LACTB2: variants seen among roughly 807,000 people sequenced by gnomAD.
The protein encoded by LACTB2 is endoribonuclease LACTB2.
Under a neutral mutation model 34.8 loss-of-function variants are expected in LACTB2, and 32 were observed. The ratio of observed to expected loss-of-function variants is 0.92; its 90% CI spans 0.69 to 1.24. The LOEUF is 1.24. Among genes scored for constraint, LACTB2 ranks in the 50% most tolerant of loss-of-function variants. The pLI is 0.00. For synonymous variants in LACTB2, 120 were observed against 117.5 expected (o/e 1.02, Z -0.14); for missense variants, 320 against 345.0 (o/e 0.93, Z 0.57).
At chr8:70,638,123 T>C (rs557207697) in intron 6 of LACTB2, among the ~76,000 whole-genome samples, 27 of 152,338 alleles carry the variant, frequency 1.8e-4, no homozygotes, top group African/African-American at 6.5e-4. Flanking sequence ...TCTATAAAGA[T>C]TATTAGTTTG....
At chr8:70,665,114 T>C (rs1227094544) in intron 1 of LACTB2, among the ~76,000 whole-genome samples, 2 of 152,262 alleles carry the variant, frequency 1.3e-5, no homozygotes, top group East Asian at 3.8e-4. Context: ...GTGATGTCTG[T>C]AAATAGTTAT....
At chr8:70,638,659 C>CAT in intron 5 of LACTB2, 30 bp from the exon 6 acceptor site, 1 of 1,249,866 alleles carries the variant, frequency 8.0e-7, no homozygotes, top group Non-Finnish European at 1.0e-6. Context: ...GAAAAAAATT[C>CAT]CTTTTTTTTT....
intron 1 of LACTB2, 61 bp downstream of exon 1, chr8:70,668,934 ATCAG>A (rs1266033394): frequency 6.5e-7 from 1 of 1,544,138 alleles, no homozygotes; most frequent in Non-Finnish European, 8.7e-7. Flanking sequence ...CGCAGCCGCG[ATCAG>A]TCAAAGCCCG....
At chr8:70,647,261 T>A (rs1294189235) in intron 3 of LACTB2, among the ~76,000 whole-genome samples, 2 of 151,640 alleles carry the variant, frequency 1.3e-5, no homozygotes, top group African/African-American at 4.8e-5. Context: ...ATATAATTTT[T>A]TTTTTTTTTG....
chr8:70,650,407 G>A (rs1818324282), intron 3 of LACTB2, among the ~76,000 whole-genome samples: 1 of 152,084 alleles, frequency 6.6e-6, no homozygotes, highest in Non-Finnish European at 1.5e-5. Flanking sequence ...AACATTTAAA[G>A]GTCAGATAAT....
chr8:70,656,206 T>C (rs1247974939), intron 3 of LACTB2, among the ~76,000 whole-genome samples: 1 of 152,232 alleles, frequency 6.6e-6, no homozygotes, highest in Non-Finnish European at 1.5e-5. Flanking sequence ...CAACTGTTTA[T>C]CTTTGTTTTT....
chr8:70,651,466 A>G (rs1818340620), intron 3 of LACTB2, among the ~76,000 whole-genome samples: 1 of 152,180 alleles, frequency 6.6e-6, no homozygotes, highest in Non-Finnish European at 1.5e-5. Flanking sequence ...GCGATGTGTC[A>G]TATCTTGTGG....
chr8:70,640,722 T>A, intron 5 of LACTB2, 180 bp downstream of exon 5: 1 of 613,758 alleles, frequency 1.6e-6, no homozygotes, highest in South Asian at 4.3e-5. Context: ...GCTATCTTTG[T>A]TCTCTAAGGC....
chr8:70,644,184 T>C lies in LACTB2; in HGVS notation c.473A>G (p.Asn158Ser). The C allele has an allele frequency of 6.2e-7, 1 of 1,613,166 alleles. No homozygotes were observed. Among genetic ancestry groups the C allele is most frequent in the East Asian group, 2.2e-5 (1 of 44,832 alleles). The change falls in exon 4 of 7, where the codon AAT becomes AGT. Residue 158 changes from asparagine (N) to serine (S), a missense_variant. By Grantham distance (46) the Asn-to-Ser change is conservative. Coordinates refer to ENST00000276590, the MANE Select transcript of LACTB2 (RefSeq NM_016027.3). Reference sequence around the variant, plus strand: ...GATGCAATCTCCAGAAAAGATAGCATTTTCCTCTTCTAAGAGTAGAGCCAT... The same window carrying C: ...GATGCAATCTCCAGAAAAGATAGCACTTTCCTCTTCTAAGAGTAGAGCCAT... ...DHMALLLEEE[N>S]AIFSGDCILG...
intron 3 of LACTB2, among the ~76,000 whole-genome samples, chr8:70,647,887 G>A (rs907778766): frequency 4.6e-5 from 7 of 152,136 alleles, no homozygotes. Context: ...TAAGGGAAAC[G>A]CTGGAGGTTT....
rs1263968589 is a variant in LACTB2 at position 70,637,331 on chromosome 8, T to C, written c.*529A>G. ...ATTCATTTGCATGAATCATTTGTGG[T>C]ATACCAGAATAAGAAAATACACATG... On this transcript the variant is annotated 3_prime_UTR_variant, in exon 7 of 7. Transcript: ENST00000276590. 1 of 152,194 alleles carries C rather than the reference T, an allele frequency of 6.6e-6. No homozygotes were observed. Among genetic ancestry groups the C allele is most frequent in the Non-Finnish European group, 1.5e-5 (1 of 68,022 alleles). 9.4% of individuals were successfully genotyped at this position (152,194 alleles called of 1,614,324 possible). A position where few individuals can be genotyped will look rare whatever the true frequency, so the allele number is the denominator to read the frequency against.
intron 3 of LACTB2, chr8:70,646,494 T>A (rs1165960856): frequency 6.6e-6 from 1 of 152,136 alleles, no homozygotes; most frequent in African/African-American, 2.4e-5. Context: ...AGAAAAAGAC[T>A]CTTTAATCTA....
rs374270090 is a variant in LACTB2, at chr8:70,648,766, C to CA, written c.414-4524dup. ...GACTCGCTTTGACTAAAACTATAGTCAACTCCTCTGAGTTTTTTCCGATGA... is the reference window on the plus strand; with the variant it reads ...GACTCGCTTTGACTAAAACTATAGTCAAACTCCTCTGAGTTTTTTCCGATGA... On this transcript the variant is annotated intron_variant, in intron 3 of 6. Transcript: ENST00000276590. Among the ~76,000 whole-genome samples, 446 of 152,266 alleles carry CA rather than the reference C, an allele frequency of 2.9e-3. 1 individual carries two copies. The highest frequency in any genetic ancestry group is 0.01 in the African/African-American group (425 of 41,550).
chr8:70,644,013 C>A, intron 4 of LACTB2, 52 bp downstream of exon 4: 1 of 1,408,546 alleles, frequency 7.1e-7, no homozygotes, highest in South Asian at 1.8e-5. Context: ...ATAGCAAGAC[C>A]TTGTCTCTAT....
At chr8:70,662,390 A>ATC (rs1818491164) in intron 1 of LACTB2, 1 of 152,354 alleles carries the variant, frequency 6.6e-6, no homozygotes, top group South Asian at 2.1e-4. Flanking sequence ...ATAGATATGA[A>ATC]AGATTTTGAT....
At chr8:70,663,439 T>C (rs974265136) in intron 1 of LACTB2, among the ~76,000 whole-genome samples, 1 of 152,170 alleles carries the variant, frequency 6.6e-6, no homozygotes, top group African/African-American at 2.4e-5. Context: ...TGTAGCACAG[T>C]AGATGTCCTT....
intron 3 of LACTB2, among the ~76,000 whole-genome samples, chr8:70,647,513 A>G (rs966345372): frequency 4.6e-5 from 7 of 152,224 alleles, no homozygotes; most frequent in African/African-American, 1.7e-4. Flanking sequence ...CTGGCCTCAC[A>G]AAGTGCTGGG....
At chr8:70,659,572 G>A (rs1448074367) in intron 2 of LACTB2, among the ~76,000 whole-genome samples, 1 of 152,084 alleles carries the variant, frequency 6.6e-6, no homozygotes, top group East Asian at 1.9e-4. Context: ...GCTTTTCTGG[G>A]AATTGACATT....
At chr8:70,660,676 C>T (rs559496928) in intron 2 of LACTB2, 22 of 456,418 alleles carry the variant, frequency 4.8e-5, no homozygotes, top group Admixed American at 4.0e-4. Flanking sequence ...CTTGCTCCTT[C>T]TCTCTGTCCA....
Sources: allele counts gnomAD v4.1 joint callset (sites outside exome capture counted in the v4.1 genomes callset), GRCh38; gene constraint gnomAD v4.1.1; transcripts MANE v1.5; gene names NCBI Gene and HGNC (gene_info 2026-07-23, HGNC 2026-07-21).